Variants in CNTNAP5 observed in about 807,000 individuals in gnomAD.
CNTNAP5 encodes the protein contactin associated protein family member 5.
Under a neutral mutation model 150.2 loss-of-function variants are expected in CNTNAP5, and 72 were observed. The ratio of observed to expected loss-of-function variants is 0.48; its 90% CI spans 0.40 to 0.58. The LOEUF is 0.58. CNTNAP5 is among the 20% of genes least tolerant of loss of function. CNTNAP5 has a pLI of 0.00. For synonymous variants in CNTNAP5, 672 were observed against 619.8 expected (o/e 1.08, Z -1.25); for missense variants, 1,636 against 1,626.2 (o/e 1.01, Z -0.10).
intron 19 of CNTNAP5, among the ~76,000 whole-genome samples, chr2:124,828,468 G>A (rs995424535): frequency 3.3e-5 from 5 of 151,936 alleles, no homozygotes; most frequent in African/African-American, 1.2e-4. Flanking sequence ...GTGACAGAGT[G>A]AGACTCCATC....
chr2:124,594,585 T>C (rs1696778072), intron 11 of CNTNAP5, among the ~76,000 whole-genome samples: 1 of 139,352 alleles, frequency 7.2e-6, no homozygotes, highest in African/African-American at 2.6e-5. Flanking sequence ...CCTCCAGCTT[T>C]GTTCTTTTGG....
chr2:124,216,020 C>T (rs567983683), intron 1 of CNTNAP5, among the ~76,000 whole-genome samples: 1 of 152,118 alleles, frequency 6.6e-6, no homozygotes, highest in South Asian at 2.1e-4. Context: ...TAAGCTCCCC[C>T]CAAACCCTTA....
In CNTNAP5 at chr2:124,034,115, GA is replaced by G. The variant is rs1045930011; in HGVS notation, c.82+8388del. 3.9e-4 allele frequency among the ~76,000 whole-genome samples: 60 copies of G among 152,296 alleles called. 1 individual carries two copies. The highest frequency in any genetic ancestry group is 1.4e-3 in the African/African-American group (57 of 41,566). On this transcript the variant is annotated intron_variant, in intron 1 of 23. Coordinates refer to ENST00000682447, the MANE Select transcript of CNTNAP5 (RefSeq NM_001367498.1). ...TACAGTAGATGGCCAATGGGGAGATGAAAAAGGACAGTGAGAAGGGCATATG... is the reference window on the plus strand; with the variant it reads ...TACAGTAGATGGCCAATGGGGAGATGAAAAGGACAGTGAGAAGGGCATATG...
chr2:124,611,019 G>A (rs1348305291), intron 12 of CNTNAP5, among the ~76,000 whole-genome samples: 4 of 128,198 alleles, frequency 3.1e-5, no homozygotes, highest in East Asian at 2.1e-4. Flanking sequence ...ATTGGCACAC[G>A]CACATTTTTT....
chr2:124,399,964 C>T (rs1047774426), intron 3 of CNTNAP5, among the ~76,000 whole-genome samples: 20 of 152,122 alleles, frequency 1.3e-4, no homozygotes, highest in Non-Finnish European at 2.8e-4. Context: ...AAACTAATGA[C>T]ATTTCATTGA....
In CNTNAP5 at chr2:124,372,068, G is replaced by A. The variant is rs752331643; in HGVS notation, c.382-45375G>A. Among the ~76,000 whole-genome samples the A allele has an allele frequency of 3.9e-5, 6 of 151,982 alleles. No homozygotes were observed. In the South Asian group the frequency reaches 1.2e-3, roughly 32 times the overall value. On this transcript the variant is annotated intron_variant, in intron 3 of 23. Transcript: ENST00000682447. Reference sequence around the variant, plus strand: ...AACCTGGATGGGCATCGTCCAATTGGCTGCCAGCCTGGCTAACAGAAAGCA... The same window carrying A: ...AACCTGGATGGGCATCGTCCAATTGACTGCCAGCCTGGCTAACAGAAAGCA...
intron 13 of CNTNAP5, among the ~76,000 whole-genome samples, chr2:124,668,296 T>A (rs975877131): frequency 1.3e-5 from 2 of 152,178 alleles, no homozygotes; most frequent in African/African-American, 4.8e-5. Flanking sequence ...ATGGATCTCC[T>A]TCTCCCTGAG....
intron 3 of CNTNAP5, among the ~76,000 whole-genome samples, chr2:124,264,393 C>CACACAT (rs1224197131): frequency 5.1e-5 from 4 of 77,998 alleles, no homozygotes; most frequent in African/African-American, 1.6e-4. Context: ...CACACATACA[C>CACACAT]ACACACACAC....
At chr2:124,484,398 A>G (rs887958489) in intron 7 of CNTNAP5, among the ~76,000 whole-genome samples, 2 of 152,232 alleles carry the variant, frequency 1.3e-5, no homozygotes, top group Non-Finnish European at 2.9e-5. Context: ...GTTGAGGAAG[A>G]GAATAATCTT....
intron 17 of CNTNAP5, among the ~76,000 whole-genome samples, chr2:124,773,845 C>T (rs1404251906): frequency 2.0e-5 from 3 of 148,430 alleles, no homozygotes; most frequent in Non-Finnish European, 3.0e-5. Context: ...GCCTTAACTA[C>T]ATTTATGTTG....
chr2:124,252,593 C>G (rs1381949494), intron 3 of CNTNAP5, among the ~76,000 whole-genome samples: 3 of 152,272 alleles, frequency 2.0e-5, no homozygotes, highest in South Asian at 2.1e-4. Flanking sequence ...TACACTCCCC[C>G]CTCATTCCAC....
intron 13 of CNTNAP5, among the ~76,000 whole-genome samples, chr2:124,711,552 G>A (rs34233575): frequency 0.16 from 24,693 of 152,036 alleles, 2,263 homozygotes; most frequent in East Asian, 0.24. Context: ...TGGCTTAAGC[G>A]ATATGGATAT....
At chr2:124,487,538 A>G (rs184603786) in intron 7 of CNTNAP5, among the ~76,000 whole-genome samples, 2 of 152,230 alleles carry the variant, frequency 1.3e-5, no homozygotes, top group African/African-American at 4.8e-5. Context: ...TCTTTGTTAC[A>G]GAAACTTCAA....
chr2:124,236,011 G>A (rs1347548659), intron 2 of CNTNAP5, among the ~76,000 whole-genome samples: 1 of 151,864 alleles, frequency 6.6e-6, no homozygotes, highest in Non-Finnish European at 1.5e-5. Context: ...TGTTGCCCAG[G>A]CTGGATTGCA....
intron 22 of CNTNAP5, among the ~76,000 whole-genome samples, chr2:124,909,785 C>A (rs1678614549): frequency 7.1e-6 from 1 of 140,752 alleles, no homozygotes; most frequent in South Asian, 2.3e-4. Flanking sequence ...GTCTCTAACA[C>A]CCACTATCAT....
At chr2:124,301,459 T>G (rs552801977) in intron 3 of CNTNAP5, among the ~76,000 whole-genome samples, 2 of 152,342 alleles carry the variant, frequency 1.3e-5, no homozygotes, top group East Asian at 3.9e-4. Flanking sequence ...TTGGCTATCC[T>G]CATATAGTTA....
chr2:124,772,817 T>C lies in CNTNAP5; in HGVS notation c.2552T>C (p.Phe851Ser), dbSNP rs1419207917. ...GTTTCAGCTCCTTCAGAGATCACCT[T>C]TGCCATCGATGTTGGGAATGGTCCT... is the stretch of plus-strand genomic sequence containing the variant. ...LEISSPSEIT[F>S]AIDVGNGPVE... The change falls in exon 17 of 24, where the codon TTT (phenylalanine) becomes TCT (serine). Residue 851 changes from phenylalanine to serine, a missense_variant. Physicochemically the swap from Phe to Ser is radical, Grantham distance 155 (BLOSUM62 -2). Coordinates refer to ENST00000682447, the MANE Select transcript of CNTNAP5 (RefSeq NM_001367498.1). The C allele has an allele frequency of 6.2e-7, 1 of 1,613,686 alleles. No homozygotes were observed. Among genetic ancestry groups the C allele is most frequent in the East Asian group, 2.2e-5 (1 of 44,850 alleles).
At chr2:124,663,551 T>C (rs1304032584) in intron 13 of CNTNAP5, among the ~76,000 whole-genome samples, 4 of 152,090 alleles carry the variant, frequency 2.6e-5, no homozygotes, top group Non-Finnish European at 4.4e-5. Flanking sequence ...CATTAGGATA[T>C]TGGAGTAGTT....
At chr2:124,790,371 G>T (rs537775210) in intron 18 of CNTNAP5, among the ~76,000 whole-genome samples, 1 of 152,068 alleles carries the variant, frequency 6.6e-6, no homozygotes, top group Non-Finnish European at 1.5e-5. Flanking sequence ...CCCTGCCCAC[G>T]GCCAAAAAGT....
Sources: allele counts gnomAD v4.1 joint callset (sites outside exome capture counted in the v4.1 genomes callset), GRCh38; gene constraint gnomAD v4.1.1; transcripts MANE v1.5; gene names NCBI Gene and HGNC (gene_info 2026-07-23, HGNC 2026-07-21).